TRIM29: variants seen among roughly 807,000 people sequenced by gnomAD.
The protein encoded by TRIM29 is tripartite motif-containing protein 29.
A neutral mutation model predicts 57.3 loss-of-function variants in TRIM29; 52 were observed. The ratio of observed to expected loss-of-function variants is 0.91; its 90% confidence interval spans 0.73 to 1.14. TRIM29 has a LOEUF of 1.14. TRIM29 is among the 50% of genes most tolerant of loss of function. The probability of loss-of-function intolerance (pLI) is 0.00; values close to 1 mark genes in which losing one functional copy is unlikely to be tolerated. For missense variants in TRIM29, 753 were observed against 774.6 expected, an observed-to-expected ratio of 0.97 and a Z score of 0.33; for synonymous variants, 319 against 316.9, an observed-to-expected ratio of 1.01 and a Z score of -0.07.
chr11:120,115,450 C>G, intron 7 of TRIM29, 36 bp from the exon 8 acceptor site: 2 of 1,595,848 alleles, frequency 1.3e-6, no homozygotes, highest in Non-Finnish European at 1.7e-6. Context: ...AAGGGAGCAG[C>G]GCTGGTGGTC....
chr11:120,114,459 G>C (rs972621114), intron 8 of TRIM29, among the ~76,000 whole-genome samples: 1 of 152,146 alleles, frequency 6.6e-6, no homozygotes, highest in Non-Finnish European at 1.5e-5. Context: ...CACCTCTCCT[G>C]CTCTGACCTC....
intron 3 of TRIM29, chr11:120,126,254 CTTTCT>C (rs1316510189): frequency 1.4e-4 from 21 of 155,434 alleles, no homozygotes; most frequent in South Asian, 8.0e-4. Flanking sequence ...GTATTTCTTT[CTTTCT>C]TTTTTTTTTT....
rs1304788050 is a variant in TRIM29 at position 120,137,208 on chromosome 11, G to A, written c.804+20C>T. 1.2e-6 allele frequency: 2 copies of A among 1,611,738 alleles called. No individual in the cohort carries two copies. Among genetic ancestry groups the A allele is most frequent in the African/African-American group, 2.7e-5 (2 of 74,920 alleles). On this transcript the variant is annotated intron_variant, in intron 1 of 8. Coordinates refer to ENST00000341846, the MANE Select transcript of TRIM29 (RefSeq NM_012101.4). The surrounding 1 kb of genome is among the most constrained non-coding windows in gnomAD (Gnocchi z 6.2). Reference sequence around the variant, plus strand: ...GAGAGAGGAGAGGCCTGGAGGGGCAGGAGGGGCCCCAGCACTTACCTCCTT... The same window carrying A: ...GAGAGAGGAGAGGCCTGGAGGGGCAAGAGGGGCCCCAGCACTTACCTCCTT...
rs181702766 is a variant in TRIM29, at chr11:120,137,006, C to A, written c.804+222G>T. 4.8e-4 allele frequency among the ~76,000 whole-genome samples: 73 copies of A among 152,312 alleles called. No individual in the cohort carries two copies. The highest frequency in any genetic ancestry group is 1.6e-3 in the African/African-American group (68 of 41,566). ...CCATCCGCTCATCTAGAAAATGTCC[C>A]TGTCTCCTGAGACCTTAGGGGATTG... On this transcript the variant is annotated intron_variant, in intron 1 of 8. Coordinates refer to ENST00000341846, the MANE Select transcript of TRIM29 (RefSeq NM_012101.4). The surrounding 1 kb of genome is among the most constrained non-coding windows in gnomAD (Gnocchi z 6.2).
intron 1 of TRIM29, among the ~76,000 whole-genome samples, chr11:120,132,480 C>T (rs1181607645): frequency 9.9e-5 from 15 of 152,238 alleles, no homozygotes; most frequent in Non-Finnish European, 1.8e-4. Flanking sequence ...ATGCCAGGAA[C>T]GGGCCCTGCA....
At chr11:120,129,548 G>A (rs1281620501) in intron 1 of TRIM29, among the ~76,000 whole-genome samples, 1 of 152,166 alleles carries the variant, frequency 6.6e-6, no homozygotes, top group Non-Finnish European at 1.5e-5. Flanking sequence ...AATAGTCAAG[G>A]TGAGGATGCC....
At chr11:120,128,302 A>G (rs181178885) in intron 2 of TRIM29, 98 bp downstream of exon 2, 5 of 964,396 alleles carry the variant, frequency 5.2e-6, no homozygotes, top group African/African-American at 1.6e-5. Context: ...TGGGATGTCT[A>G]CGTGGGCCTG....
At position 120,121,017 on chromosome 11, in the gene TRIM29, C is replaced by T. The variant is rs752243899; in HGVS notation, c.1436-352G>A. The T allele has an allele frequency of 1.5e-4, 56 of 380,564 alleles. No homozygotes were observed. In the East Asian group the frequency reaches 1.5e-3, roughly 10 times the overall value. The allele number at this position is 380,564 out of a possible 1,614,324, so 23.6% of individuals were successfully genotyped here. A position where few individuals can be genotyped will look rare whatever the true frequency, so the allele number is the denominator to read the frequency against. On this transcript the variant is annotated intron_variant, in intron 5 of 8. Coordinates refer to ENST00000341846, the MANE Select transcript of TRIM29 (RefSeq NM_012101.4). Reference sequence around the variant, plus strand: ...GGGGCCCACCCAGGCTGCTGCTTCCCGGGAGATCAGAGCCTCACTTCACAA... The same window carrying T: ...GGGGCCCACCCAGGCTGCTGCTTCCTGGGAGATCAGAGCCTCACTTCACAA...
rs146826131 is a variant in TRIM29, at chr11:120,129,501, C to T, written c.805-1006G>A. Among the ~76,000 whole-genome samples the T allele has an allele frequency of 3.3e-5, 5 of 152,328 alleles. No individual in the cohort carries two copies. In the East Asian group the frequency reaches 9.7e-4, roughly 29 times the overall value. On this transcript the variant is annotated intron_variant, in intron 1 of 8. Coordinates refer to ENST00000341846, the MANE Select transcript of TRIM29 (RefSeq NM_012101.4). ...ACTGGGTTTTGAATGCAGAGTCCCA[C>T]CCCTTTCTCTGGCCATCACCTTGCG...
intron 8 of TRIM29, 147 bp from the exon 9 acceptor site, chr11:120,112,623 TA>T: frequency 1.3e-6 from 1 of 744,910 alleles, no homozygotes; most frequent in Non-Finnish European, 2.3e-6. Flanking sequence ...CTGCAAGATT[TA>T]CCTACCCTGT....
At chr11:120,135,655 A>T (rs1228524295) in intron 1 of TRIM29, among the ~76,000 whole-genome samples, 1 of 152,168 alleles carries the variant, frequency 6.6e-6, no homozygotes. Context: ...AGCTGGAAAC[A>T]TCTTCTTCCT....
chr11:120,134,640 G>A (rs1392760674), intron 1 of TRIM29, among the ~76,000 whole-genome samples: 1 of 152,188 alleles, frequency 6.6e-6, no homozygotes, highest in Non-Finnish European at 1.5e-5. Context: ...GTGCACATGT[G>A]TGTGCACACA....
chr11:120,137,180 G>A lies in TRIM29; in HGVS notation c.804+48C>T, dbSNP rs1863834148. On this transcript the variant is annotated intron_variant, in intron 1 of 8. Transcript: ENST00000341846. The surrounding 1 kb of genome is among the most constrained non-coding windows in gnomAD (Gnocchi z 6.2). ...GAGAAGATGAAGTTCGGAGGGGTGGGGTGAGAGAGGAGAGGCCTGGAGGGG... is the reference window on the plus strand; with the variant it reads ...GAGAAGATGAAGTTCGGAGGGGTGGAGTGAGAGAGGAGAGGCCTGGAGGGG... 1.3e-6 allele frequency: 2 copies of A among 1,596,118 alleles called. No homozygotes were observed. Among genetic ancestry groups the A allele is most frequent in the Non-Finnish European group, 1.7e-6 (2 of 1,167,856 alleles).
intron 6 of TRIM29, among the ~76,000 whole-genome samples, chr11:120,118,643 GA>G (rs1863349726): frequency 9.0e-6 from 1 of 111,028 alleles, no homozygotes; most frequent in East Asian, 2.9e-4. Context: ...CCCACTTCTT[GA>G]CTTCACCTCT....
At chr11:120,123,080 C>A (rs771157123) in intron 4 of TRIM29, 25 bp from the exon 5 acceptor site, 2 of 1,609,226 alleles carry the variant, frequency 1.2e-6, no homozygotes, top group African/African-American at 1.3e-5. Context: ...GTCGGGTCAG[C>A]AGAGGAGCCA....
At position 120,137,720 on chromosome 11, in the gene TRIM29, C is replaced by G. The variant is rs1374046172; in HGVS notation, c.312G>C (p.Ser104=). The G allele has an allele frequency of 3.1e-6, 5 of 1,612,648 alleles. No individual in the cohort carries two copies. The South Asian group carries it at 5.5e-5, about 18-fold the overall frequency. The part of the protein sequence containing the change: ...FSMDSMEGKR[S]PYAGLQLGAA... ...CCCCCAGCTGGAGCCCTGCGTACGG[C>G]GACCTCTTGCCTTCCATAGAGTCCA... The change falls in exon 1 of 9, where the codon TCG becomes TCC. Residue 104 remains serine (S), a synonymous_variant. Transcript: ENST00000341846. The surrounding 1 kb of genome is among the most constrained non-coding windows in gnomAD (Gnocchi z 6.2).
At chr11:120,127,308 C>T (rs1863612237) in intron 3 of TRIM29, 28 bp downstream of exon 3, 1 of 1,604,526 alleles carries the variant, frequency 6.2e-7, no homozygotes, top group Non-Finnish European at 8.5e-7. Context: ...AAATCGAGGG[C>T]TTGAGTGACA....
At position 120,137,204 on chromosome 11, in the gene TRIM29, G is replaced by T; in HGVS notation, c.804+24C>A. 3 of 1,611,130 alleles carry T rather than the reference G, an allele frequency of 1.9e-6. No homozygotes were observed. The highest frequency in any genetic ancestry group is 2.2e-5 in the South Asian group (2 of 90,930). The stretch of plus-strand genomic sequence containing the variant: ...GGGTGAGAGAGGAGAGGCCTGGAGG[G>T]GCAGGAGGGGCCCCAGCACTTACCT... On this transcript the variant is annotated intron_variant, in intron 1 of 8. Coordinates refer to ENST00000341846, the MANE Select transcript of TRIM29 (RefSeq NM_012101.4). The surrounding 1 kb of genome is among the most constrained non-coding windows in gnomAD (Gnocchi z 6.2).
chr11:120,120,768 A>C, intron 5 of TRIM29, 103 bp from the exon 6 acceptor site: 1 of 922,372 alleles, frequency 1.1e-6, no homozygotes, highest in Non-Finnish European at 1.7e-6. Context: ...CCTGGATTCC[A>C]CCACTGAGAG....
Sources: gnomAD v4.1 joint callset for allele counts (sites outside exome capture counted in the v4.1 genomes callset) on GRCh38, gnomAD v4.1.1 for gene constraint, Gnocchi (gnomAD v3.1) non-coding constraint, MANE v1.5 for transcripts, NCBI Gene and HGNC (gene_info 2026-07-23, HGNC 2026-07-21) for gene names.